The following GPHN variants were observed in gnomAD, a reference collection of about 807,000 sequenced individuals.
The protein encoded by GPHN is gephyrin.
GPHN carries 17 observed loss-of-function variants against 95.5 expected under a neutral mutation model. The observed-to-expected ratio is 0.18, with a 90% CI of 0.12 to 0.27. The LOEUF is 0.27. Ranked by LOEUF, GPHN falls within the 10% of genes least tolerant of loss-of-function variation. The pLI is 1.00. For synonymous variants in GPHN, 320 were observed against 322.5 expected (o/e 0.99, Z 0.08); for missense variants, 660 against 978.1 (o/e 0.67, Z 4.34).
chr14:67,133,186 T>TCATA (rs2079834728), intron 17 of GPHN, among the ~76,000 whole-genome samples: 2 of 78,626 alleles, frequency 2.5e-5, no homozygotes, highest in Admixed American at 1.6e-4. Flanking sequence ...TATGATATGA[T>TCATA]AATAGATGTC....
At chr14:66,956,813 A>G (rs1326319174) in intron 8 of GPHN, among the ~76,000 whole-genome samples, 2 of 151,962 alleles carry the variant, frequency 1.3e-5, no homozygotes, top group Admixed American at 6.6e-5. Context: ...TGTCCTTTGT[A>G]GGGATATGGA....
At chr14:67,437,998 G>T in the GPHN span, among the ~76,000 whole-genome samples, 2 of 152,114 alleles carry the variant, frequency 1.3e-5, no homozygotes, top group Non-Finnish European at 2.9e-5. Context: ...AGGGCTGAGA[G>T]ATAGTACCAA....
chr14:66,557,090 C>T (rs1482167507), intron 1 of GPHN, among the ~76,000 whole-genome samples: 1 of 151,774 alleles, frequency 6.6e-6, no homozygotes, highest in African/African-American at 2.4e-5. Flanking sequence ...GCATGTAGTC[C>T]CAGTTACTCA....
At chr14:66,677,831 G>A (rs2066697386) in intron 1 of GPHN, among the ~76,000 whole-genome samples, 1 of 152,024 alleles carries the variant, frequency 6.6e-6, no homozygotes, top group Non-Finnish European at 1.5e-5. Context: ...AGATCCATTT[G>A]GACACACATT....
chr14:67,438,987 A>C, the GPHN span, among the ~76,000 whole-genome samples: 2 of 152,086 alleles, frequency 1.3e-5, no homozygotes, highest in African/African-American at 4.8e-5. Context: ...CCATGAGGGC[A>C]CAGGCAACAG....
chr14:66,816,073 G>A (rs1257479305), intron 3 of GPHN, among the ~76,000 whole-genome samples: 1 of 152,078 alleles, frequency 6.6e-6, no homozygotes, highest in African/African-American at 2.4e-5. Flanking sequence ...GGGGCATTAG[G>A]TAATGGTAAA....
At chr14:67,452,325 CAA>C in the GPHN span, among the ~76,000 whole-genome samples, 1,979 of 107,846 alleles carry the variant, frequency 0.018, 48 homozygotes, top group African/African-American at 0.056. Flanking sequence ...GACTCTGTCT[CAA>C]AAAAAAAAAA....
the GPHN span, chr14:67,727,359 G>A: frequency 1.5e-6 from 1 of 659,886 alleles, no homozygotes; most frequent in Non-Finnish European, 2.7e-6. Flanking sequence ...CCCCCAGGGA[G>A]CTTAAAATCA....
intron 21 of GPHN, among the ~76,000 whole-genome samples, chr14:67,172,504 C>A (rs112181482): frequency 0.013 from 1,907 of 152,230 alleles, 35 homozygotes; most frequent in African/African-American, 0.043. Flanking sequence ...GCCATGTCCC[C>A]AGGGCCTGAG....
intron 1 of GPHN, among the ~76,000 whole-genome samples, chr14:66,618,615 T>G (rs931496495): frequency 1.3e-5 from 2 of 152,210 alleles, no homozygotes; most frequent in African/African-American, 2.4e-5. Context: ...TGTTTTCATT[T>G]AATGTCCTTG....
chr14:67,572,974 C>G, the GPHN span, among the ~76,000 whole-genome samples: 1 of 152,184 alleles, frequency 6.6e-6, no homozygotes, highest in Non-Finnish European at 1.5e-5. Context: ...GGCCGGCTCT[C>G]TCCTGACGCT....
At chr14:66,769,873 A>G (rs894046450) in intron 2 of GPHN, among the ~76,000 whole-genome samples, 2 of 152,040 alleles carry the variant, frequency 1.3e-5, no homozygotes, top group African/African-American at 2.4e-5. Context: ...ATCAAATGAG[A>G]GTTCTGTTTC....
At chr14:67,691,670 A>C in the GPHN span, 1 of 163,218 alleles carries the variant, frequency 6.1e-6, no homozygotes, top group African/African-American at 2.4e-5. Context: ...GCATCTTCCA[A>C]TTCTCTCTCA....
At chr14:66,791,822 T>C (rs1450310316) in intron 3 of GPHN, among the ~76,000 whole-genome samples, 1 of 152,218 alleles carries the variant, frequency 6.6e-6, no homozygotes, top group Admixed American at 6.5e-5. Flanking sequence ...TGAGTAAGTG[T>C]ATTAGTCCAT....
chr14:67,268,168 T>G, the GPHN span, among the ~76,000 whole-genome samples: 1 of 152,246 alleles, frequency 6.6e-6, no homozygotes. Flanking sequence ...CCATTTTACA[T>G]TCTCATCAGC....
the GPHN span, among the ~76,000 whole-genome samples, chr14:67,324,882 C>G: frequency 6.6e-5 from 10 of 151,118 alleles, no homozygotes; most frequent in South Asian, 2.1e-3. Context: ...AGCTACCACG[C>G]CCAGCCTTCC....
intron 6 of GPHN, 115 bp downstream of exon 6, chr14:66,916,184 T>C (rs556328796): frequency 6.9e-6 from 5 of 723,594 alleles, no homozygotes; most frequent in South Asian, 3.0e-5. Flanking sequence ...CTGATACCAA[T>C]TGCAGGATTC....
the GPHN span, among the ~76,000 whole-genome samples, chr14:67,245,756 A>G: frequency 2.8e-3 from 424 of 152,246 alleles, 1 homozygote; most frequent in Admixed American, 9.5e-3. Context: ...ATTACTTTTG[A>G]AGTATAGAAT....
the GPHN span, among the ~76,000 whole-genome samples, chr14:67,730,369 G>A: frequency 6.6e-6 from 1 of 152,126 alleles, no homozygotes; most frequent in Non-Finnish European, 1.5e-5. Context: ...CACTGTAAGT[G>A]TACAGTGCAT....
Sources: allele counts gnomAD v4.1 joint callset (sites outside exome capture counted in the v4.1 genomes callset), GRCh38; gene constraint gnomAD v4.1.1; transcripts MANE v1.5; gene names NCBI Gene and HGNC (gene_info 2026-07-23, HGNC 2026-07-21).